NNT: variants seen among roughly 807,000 people sequenced by gnomAD.
NNT encodes NAD(P) transhydrogenase, mitochondrial.
A neutral mutation model predicts 104.8 loss-of-function variants in NNT; 50 were observed. The observed-to-expected ratio is 0.48, with a 90% CI of 0.38 to 0.60. The LOEUF is 0.60. NNT is among the 20% of genes least tolerant of loss of function. NNT has a pLI of 0.00. For synonymous variants in NNT, 461 were observed against 490.4 expected (o/e 0.94, Z 0.79); for missense variants, 1,131 against 1,330.7 (o/e 0.85, Z 2.33).
chr5:43,686,662 G>A lies in NNT; in HGVS notation c.2876+8856G>A, dbSNP rs13168986. On this transcript the variant is annotated intron_variant, in intron 19 of 21. Transcript: ENST00000344920. ...TGTATTAAGTGATTATTAAAAATAT[G>A]CATTTATTTGAAAAACAGATGAACA... Among the ~76,000 whole-genome samples, 1,075 of 152,112 alleles carry A rather than the reference G, an allele frequency of 7.1e-3. 8 individuals are homozygous for A. Among genetic ancestry groups the A allele is most frequent in the Middle Eastern group, 0.027 (8 of 294 alleles).
At chr5:43,645,709 A>ATATATATAT (rs1401026662) in intron 10 of NNT, 199 bp downstream of exon 10, 1 of 44,290 alleles carries the variant, frequency 2.3e-5, no homozygotes, top group African/African-American at 1.1e-4. Context: ...ATATATATAT[A>ATATATATAT]TTTTTTTTTT....
chr5:43,651,550 C>A (rs1462006832), intron 12 of NNT, among the ~76,000 whole-genome samples, 189 bp from the exon 13 acceptor site: 1 of 151,938 alleles, frequency 6.6e-6, no homozygotes, highest in Admixed American at 6.6e-5. Flanking sequence ...TGCACCCTAG[C>A]CTGGTCAACA....
Position 43,653,041 on chromosome 5 carries a change from G to C in NNT, c.1887G>C (p.Leu629Phe). The stretch of plus-strand genomic sequence containing the variant: ...AGATCATGTACCTAGGCTCGGGTTT[G>C]TGCTGTGTCGGTGCCTTGGCTGGCC... ...IEQIMYLGSG[L>F]CCVGALAGLS... The change falls in exon 14 of 22, where the codon TTG (leucine) becomes TTC (phenylalanine). Residue 629 changes from leucine (L) to phenylalanine (F), a missense_variant. Physicochemically the swap from Leu to Phe is conservative, Grantham distance 22 (BLOSUM62 0). Transcript: ENST00000344920. 1 of 1,613,996 alleles carries C rather than the reference G, an allele frequency of 6.2e-7. No homozygotes were observed. The highest frequency in any genetic ancestry group is 8.5e-7 in the Non-Finnish European group (1 of 1,179,904).
chr5:43,636,032 G>A (rs1580008984), intron 7 of NNT, among the ~76,000 whole-genome samples: 1 of 152,100 alleles, frequency 6.6e-6, no homozygotes, highest in South Asian at 2.1e-4. Flanking sequence ...ACAGAGGAAG[G>A]GTCATAGATT....
intron 19 of NNT, among the ~76,000 whole-genome samples, chr5:43,698,287 C>G (rs942060478): frequency 2.6e-5 from 4 of 151,754 alleles, no homozygotes; most frequent in Non-Finnish European, 5.9e-5. Flanking sequence ...GAAAAAAAAT[C>G]AATTCCCAGC....
intron 19 of NNT, 42 bp downstream of exon 19, chr5:43,677,848 T>A: frequency 6.8e-7 from 1 of 1,477,972 alleles, no homozygotes; most frequent in Non-Finnish European, 9.5e-7. Context: ...TGTGTAAAGA[T>A]GTGTGTGTGG....
At chr5:43,627,210 A>G (rs1473895492) in intron 6 of NNT, among the ~76,000 whole-genome samples, 1 of 152,170 alleles carries the variant, frequency 6.6e-6, no homozygotes, top group Non-Finnish European at 1.5e-5. Context: ...CTGGGCTACC[A>G]GATTCCTTGC....
chr5:43,692,514 G>A (rs1255193036), intron 19 of NNT, among the ~76,000 whole-genome samples: 1 of 152,124 alleles, frequency 6.6e-6, no homozygotes, highest in African/African-American at 2.4e-5. Context: ...AGTAGAGACA[G>A]GGTTTCACCA....
chr5:43,662,379 T>C (rs1260010872), intron 17 of NNT, among the ~76,000 whole-genome samples: 1 of 152,204 alleles, frequency 6.6e-6, no homozygotes, highest in Non-Finnish European at 1.5e-5. Context: ...TTTTTCTTAC[T>C]CTTTTATTTT....
At chr5:43,640,981 T>C (rs1751202065) in intron 7 of NNT, among the ~76,000 whole-genome samples, 1 of 151,892 alleles carries the variant, frequency 6.6e-6, no homozygotes, top group African/African-American at 2.4e-5. Flanking sequence ...TCCTTTTTTG[T>C]CTTTTCTTTC....
intron 5 of NNT, among the ~76,000 whole-genome samples, chr5:43,620,913 G>T (rs954413157): frequency 6.6e-6 from 1 of 152,140 alleles, no homozygotes; most frequent in Non-Finnish European, 1.5e-5. Context: ...GTGAATAAAA[G>T]ATATTAAAAA....
chr5:43,695,611 G>A (rs1742517172), intron 19 of NNT, among the ~76,000 whole-genome samples: 1 of 152,192 alleles, frequency 6.6e-6, no homozygotes, highest in Non-Finnish European at 1.5e-5. Context: ...TTCATTAAAT[G>A]GTTGAAAGGA....
chr5:43,626,116 C>G (rs1182699277), intron 6 of NNT, among the ~76,000 whole-genome samples: 2 of 151,606 alleles, frequency 1.3e-5, no homozygotes, highest in South Asian at 4.2e-4. Context: ...AGCCCTCTAT[C>G]CATGTTCTAT....
At chr5:43,632,445 G>T (rs535834903) in intron 7 of NNT, among the ~76,000 whole-genome samples, 342 of 152,280 alleles carry the variant, frequency 2.2e-3, no homozygotes, top group Non-Finnish European at 3.8e-3. Flanking sequence ...ATTGTCCTAG[G>T]TATACGTCAC....
chr5:43,672,545 G>T (rs1741169397), intron 17 of NNT, among the ~76,000 whole-genome samples: 1 of 152,190 alleles, frequency 6.6e-6, no homozygotes, highest in African/African-American at 2.4e-5. Context: ...TTTGCTGGAG[G>T]TCCACTCCAG....
chr5:43,700,757 G>A (rs897699990), intron 20 of NNT, among the ~76,000 whole-genome samples: 1 of 152,208 alleles, frequency 6.6e-6, no homozygotes, highest in Non-Finnish European at 1.5e-5. Flanking sequence ...AGCTGTCATA[G>A]GGTAGATGTT....
chr5:43,619,692 T>A (rs1185070204), intron 5 of NNT, among the ~76,000 whole-genome samples: 1 of 152,218 alleles, frequency 6.6e-6, no homozygotes, highest in African/African-American at 2.4e-5. Context: ...CAATCCTATG[T>A]ACACTCAGTA....
At chr5:43,603,547 C>A (rs1328362379) in intron 1 of NNT, among the ~76,000 whole-genome samples, 1 of 152,028 alleles carries the variant, frequency 6.6e-6, no homozygotes, top group Non-Finnish European at 1.5e-5. Flanking sequence ...GGGGCGATGT[C>A]GAAGGGAGTG....
chr5:43,679,127 A>G (rs1170140039), intron 19 of NNT, among the ~76,000 whole-genome samples: 1 of 151,860 alleles, frequency 6.6e-6, no homozygotes, highest in Non-Finnish European at 1.5e-5. Context: ...ACTTATTCCA[A>G]TTTTTACATA....
Sources: allele counts gnomAD v4.1 joint callset (sites outside exome capture counted in the v4.1 genomes callset), GRCh38; gene constraint gnomAD v4.1.1; transcripts MANE v1.5; gene names NCBI Gene and HGNC (gene_info 2026-07-23, HGNC 2026-07-21).